Variants in DCLK1 observed in about 807,000 individuals in gnomAD.
DCLK1 encodes serine/threonine-protein kinase DCLK1.
Under a neutral mutation model 86.2 loss-of-function variants are expected in DCLK1, and 16 were observed. That is an observed-to-expected ratio of 0.19 (90% CI 0.13 to 0.28). The LOEUF (loss-of-function observed/expected upper bound fraction) is 0.28. Ranked by LOEUF, DCLK1 falls within the 10% of genes least tolerant of loss-of-function variation. The probability of loss-of-function intolerance (pLI) is 1.00; values close to 1 mark genes in which losing one functional copy is unlikely to be tolerated. For missense variants in DCLK1, 590 were observed against 940.2 expected (o/e 0.63, Z 4.87); for synonymous variants, 369 against 370.5 (o/e 1.00, Z 0.05).
intron 15 of DCLK1, among the ~76,000 whole-genome samples, chr13:35,797,961 T>A (rs1432748997): frequency 6.6e-6 from 1 of 152,198 alleles, no homozygotes; most frequent in South Asian, 2.1e-4. Flanking sequence ...GTGACAAATC[T>A]GGCAGTATTT....
chr13:35,853,208 T>G (rs539704935), intron 6 of DCLK1, among the ~76,000 whole-genome samples: 138 of 152,272 alleles, frequency 9.1e-4, no homozygotes, highest in African/African-American at 3.3e-3. Context: ...GAAACCATAG[T>G]GAAAACACTC....
intron 3 of DCLK1, among the ~76,000 whole-genome samples, chr13:36,047,673 C>T (rs954813540): frequency 2.0e-5 from 3 of 151,606 alleles, no homozygotes; most frequent in Admixed American, 6.6e-5. Flanking sequence ...AAGGTGGTTA[C>T]CAGAGATTGG....
At chr13:36,062,104 T>C (rs904618510) in intron 3 of DCLK1, among the ~76,000 whole-genome samples, 6 of 152,190 alleles carry the variant, frequency 3.9e-5, no homozygotes, top group African/African-American at 1.4e-4. Flanking sequence ...TGGGTTTTTA[T>C]ATAAATAAAT....
chr13:35,832,971 C>T (rs538353441), intron 8 of DCLK1, among the ~76,000 whole-genome samples: 31 of 152,192 alleles, frequency 2.0e-4, no homozygotes, highest in Admixed American at 3.9e-4. Context: ...GACACATGGT[C>T]GCTTTGTTGA....
rs11410630 is a variant in DCLK1 at position 35,895,744 on chromosome 13, C to CAA, written c.824-24406_824-24405dup. Among the ~76,000 whole-genome samples, 215 of 149,680 alleles carry CAA rather than the reference C, an allele frequency of 1.4e-3. 1 individual carries two copies. The highest frequency in any genetic ancestry group is 8.7e-3 in the South Asian group (41 of 4,734). ...ATAACTCAGTGTTCATATACTATAG[C>CAA]AAAAAAAAACAAAACAAAACAGTAA... On this transcript the variant is annotated intron_variant, in intron 4 of 16. Coordinates refer to ENST00000360631, the MANE Select transcript of DCLK1 (RefSeq NM_001330071.2).
At chr13:36,071,468 T>A (rs1883973674) in intron 3 of DCLK1, among the ~76,000 whole-genome samples, 1 of 152,170 alleles carries the variant, frequency 6.6e-6, no homozygotes, top group Non-Finnish European at 1.5e-5. Flanking sequence ...TAGTGAGAGA[T>A]GAAATGGGGT....
chr13:36,116,267 A>C (rs1187633531), intron 2 of DCLK1, among the ~76,000 whole-genome samples: 3 of 152,184 alleles, frequency 2.0e-5, no homozygotes, highest in African/African-American at 4.8e-5. Context: ...TTAAATGATC[A>C]TACTGGCCAT....
chr13:36,125,737 G>A (rs375204691), intron 2 of DCLK1, 25 bp downstream of exon 2: 135 of 1,597,946 alleles, frequency 8.4e-5, no homozygotes, highest in Non-Finnish European at 1.1e-4. Context: ...GTAGGGTCAC[G>A]TGGGGGTTAT....
chr13:36,104,339 G>T (rs1364038833), intron 3 of DCLK1, among the ~76,000 whole-genome samples: 1 of 152,150 alleles, frequency 6.6e-6, no homozygotes, highest in Non-Finnish European at 1.5e-5. Flanking sequence ...GAGACTCAAA[G>T]GCCAATAGAA....
chr13:36,019,598 A>C (rs1206153062), intron 3 of DCLK1, among the ~76,000 whole-genome samples: 7 of 152,150 alleles, frequency 4.6e-5, no homozygotes, highest in Non-Finnish European at 5.9e-5. Flanking sequence ...TGTACCTGAG[A>C]ACACTTATCA....
At chr13:35,900,966 G>A (rs927437029) in intron 4 of DCLK1, among the ~76,000 whole-genome samples, 3 of 152,144 alleles carry the variant, frequency 2.0e-5, no homozygotes, top group Admixed American at 6.6e-5. Context: ...TAAACTCAGC[G>A]AAAGGAAAGA....
intron 3 of DCLK1, among the ~76,000 whole-genome samples, chr13:36,047,714 G>T (rs1408142776): frequency 1.3e-5 from 2 of 151,760 alleles, no homozygotes; most frequent in Admixed American, 6.6e-5. Flanking sequence ...TTGGTTAAAA[G>T]ATACAAAATT....
intron 16 of DCLK1, 95 bp from the exon 17 acceptor site, chr13:35,774,794 ACTGGCCAAGTTCAC>A: frequency 7.3e-7 from 1 of 1,371,944 alleles, no homozygotes; most frequent in African/African-American, 1.5e-5. Flanking sequence ...GAAAAAATAC[ACTGGCCAAGTTCAC>A]CTGTCCATCA....
intron 4 of DCLK1, among the ~76,000 whole-genome samples, chr13:35,941,247 G>C (rs1877064017): frequency 6.6e-6 from 1 of 152,100 alleles, no homozygotes; most frequent in Non-Finnish European, 1.5e-5. Context: ...AACCTAATAG[G>C]TTCTAGCCCT....
intron 4 of DCLK1, among the ~76,000 whole-genome samples, chr13:35,925,410 G>C (rs534309060): frequency 6.6e-6 from 1 of 152,256 alleles, no homozygotes; most frequent in African/African-American, 2.4e-5. Context: ...TTTAAAAGAC[G>C]ATATAAAATA....
chr13:35,958,253 T>C (rs200978832), intron 3 of DCLK1, among the ~76,000 whole-genome samples: 603 of 11,202 alleles, frequency 0.054, 53 homozygotes, highest in African/African-American at 0.17. Context: ...CCACCACCAC[T>C]ACCACTACTA....
intron 16 of DCLK1, among the ~76,000 whole-genome samples, chr13:35,787,315 T>A (rs1266570264): frequency 6.8e-6 from 1 of 146,788 alleles, no homozygotes. Context: ...ATGTGGAGTG[T>A]TACCTGGAGA....
At chr13:35,870,808 A>T (rs1169926988) in intron 5 of DCLK1, among the ~76,000 whole-genome samples, 1 of 151,954 alleles carries the variant, frequency 6.6e-6, no homozygotes, top group African/African-American at 2.4e-5. Flanking sequence ...CTCCAGAGCC[A>T]TGAAAGGAAA....
At chr13:36,016,542 C>T (rs1170606933) in intron 3 of DCLK1, among the ~76,000 whole-genome samples, 1 of 152,106 alleles carries the variant, frequency 6.6e-6, no homozygotes, top group African/African-American at 2.4e-5. Context: ...CCAATAATTA[C>T]CAAACAGTCA....
Sources: gnomAD v4.1 joint callset for allele counts (sites outside exome capture counted in the v4.1 genomes callset) on GRCh38, gnomAD v4.1.1 for gene constraint, MANE v1.5 for transcripts, NCBI Gene and HGNC (gene_info 2026-07-23, HGNC 2026-07-21) for gene names.